The following ANKAR variants were observed in gnomAD, a reference collection of about 807,000 sequenced individuals.
ANKAR encodes ankyrin and armadillo repeat containing.
Under a neutral mutation model 146.2 loss-of-function variants are expected in ANKAR, and 136 were observed. The ratio of observed to expected loss-of-function variants is 0.93; its 90% CI spans 0.81 to 1.07. The LOEUF (loss-of-function observed/expected upper bound fraction) is 1.07, where lower values mean the gene tolerates loss of function less well. Ranked by LOEUF, ANKAR falls within the 50% of genes least tolerant of loss-of-function variation. ANKAR has a pLI of 0.00. For missense variants in ANKAR, 1,567 were observed against 1,679.9 expected (o/e 0.93, Z 1.18); for synonymous variants, 500 against 575.8 (o/e 0.87, Z 1.88).
intron 6 of ANKAR, among the ~76,000 whole-genome samples, 178 bp downstream of exon 6, chr2:189,695,339 G>C (rs1406121076): frequency 6.6e-6 from 1 of 152,212 alleles, no homozygotes; most frequent in Non-Finnish European, 1.5e-5. Flanking sequence ...ATTTCTGGCA[G>C]AGTACCTGTT....
At chr2:189,756,417 A>T (rs568380373) in intron 18 of ANKAR, among the ~76,000 whole-genome samples, 25 of 152,314 alleles carry the variant, frequency 1.6e-4, no homozygotes, top group African/African-American at 6.0e-4. Flanking sequence ...TTCAAAAAAA[A>T]ATCATCTTCC....
chr2:189,692,354 T>G lies in ANKAR; in HGVS notation c.1139T>G (p.Val380Gly). ...TACAAAGAGAATCAATATTTTCATG[T>G]TCATGGAGGAATTGAATTTGATATC... ...FHYKENQYFH[V>G]HGGIEFDIST... Residue 380 changes from valine to glycine, a missense_variant, in exon 4 of 23, where the codon GTT becomes GGT. By Grantham distance (109) the Val-to-Gly change is moderately radical. Transcript: ENST00000684021. The G allele has an allele frequency of 6.2e-7, 1 of 1,613,160 alleles. No homozygotes were observed. Among genetic ancestry groups the G allele is most frequent in the Non-Finnish European group, 8.5e-7 (1 of 1,179,724 alleles).
intron 12 of ANKAR, among the ~76,000 whole-genome samples, chr2:189,722,169 A>G (rs2105794792): frequency 6.6e-6 from 1 of 151,990 alleles, no homozygotes; most frequent in Non-Finnish European, 1.5e-5. Context: ...GTGAAACCCT[A>G]TCTCTACTAA....
At chr2:189,740,847 C>G (rs904186615) in intron 19 of ANKAR, among the ~76,000 whole-genome samples, 1 of 152,074 alleles carries the variant, frequency 6.6e-6, no homozygotes, top group African/African-American at 2.4e-5. Context: ...GCATGTACCA[C>G]CACGCCCGGC....
Position 189,728,058 on chromosome 2 carries a change from G to A in ANKAR, c.2838G>A (p.Leu946=), listed in dbSNP as rs770444393. 1.2e-6 allele frequency: 2 copies of A among 1,612,324 alleles called. No homozygotes were observed. The highest frequency in any genetic ancestry group is 1.7e-6 in the Non-Finnish European group (2 of 1,179,284). The change falls in exon 13 of 23, where the codon CTG becomes CTA. Residue 946 remains leucine (L), a synonymous_variant. Coordinates refer to ENST00000684021, the MANE Select transcript of ANKAR (RefSeq NM_001378068.1). ...SHNALIQKAF[L]EKSLTKYLLK... ...ACGCTCTTATACAGAAAGCATTTCT[G>A]GAAAAATCGTTAACTAAATATCTTT...
Position 189,761,182 on chromosome 2 carries a change from G to A in ANKAR, c.*669G>A, listed in dbSNP as rs868734649. On this transcript the variant is annotated 3_prime_UTR_variant and NMD_transcript_variant, in exon 19 of 19. Transcript: ENST00000441800. ...TTACTGAAGGAAAATCAATAAATAC[G>A]GAAGCTGGGAATGAGCTCAGTTTCT... 2.4e-5 allele frequency: 8 copies of A among 338,188 alleles called. No homozygotes were observed. In the East Asian group the frequency reaches 3.9e-4, roughly 17 times the overall value. The allele number at this position is 338,188 out of a possible 1,614,324, so 20.9% of individuals were successfully genotyped here. A position where few individuals can be genotyped will look rare whatever the true frequency, so the allele number is the denominator to read the frequency against.
At chr2:189,730,789 G>T (rs1182450279) in intron 16 of ANKAR, among the ~76,000 whole-genome samples, 188 bp downstream of exon 16, 3 of 151,946 alleles carry the variant, frequency 2.0e-5, no homozygotes, top group African/African-American at 7.3e-5. Flanking sequence ...GTTTTAAAAA[G>T]GTTGCTGCAA....
rs2036997246 is a variant in ANKAR at position 189,695,067 on chromosome 2, A to G, written c.1394A>G (p.Asn465Ser). The part of the protein sequence containing the change: ...QWWGAINEIV[N>S]NLRLKRLPLT... Reference sequence around the variant, plus strand: ...TGGGGAGCCATAAATGAAATAGTGAACAATCTGAGACTGAAAAGACTTCCA... The same window carrying G: ...TGGGGAGCCATAAATGAAATAGTGAGCAATCTGAGACTGAAAAGACTTCCA... The change falls in exon 6 of 23, where the codon AAC becomes AGC. Residue 465 changes from asparagine (N) to serine (S), a missense_variant. Asn to Ser is a conservative substitution (Grantham distance 46). Coordinates refer to ENST00000684021, the MANE Select transcript of ANKAR (RefSeq NM_001378068.1). 5.0e-6 allele frequency: 8 copies of G among 1,612,918 alleles called. No homozygotes were observed. The highest frequency in any genetic ancestry group is 1.7e-4 in the Middle Eastern group (1 of 6,052).
intron 8 of ANKAR, 102 bp downstream of exon 8, chr2:189,705,326 A>G (rs548380589): frequency 1.6e-5 from 19 of 1,213,288 alleles, no homozygotes; most frequent in East Asian, 5.1e-5. Context: ...TCTGCTTTTC[A>G]TGGCTTGCCA....
chr2:189,740,798 A>AT (rs2043262648), intron 19 of ANKAR, among the ~76,000 whole-genome samples: 1 of 151,984 alleles, frequency 6.6e-6, no homozygotes, highest in Non-Finnish European at 1.5e-5. Context: ...GGTACAAGCG[A>AT]TTCTCCTGCC....
chr2:189,686,194 T>C (rs2035564279), intron 2 of ANKAR, among the ~76,000 whole-genome samples: 2 of 152,088 alleles, frequency 1.3e-5, no homozygotes, highest in African/African-American at 4.8e-5. Flanking sequence ...AAGAGTATTC[T>C]GGCCTTTTTA....
intron 18 of ANKAR, among the ~76,000 whole-genome samples, chr2:189,758,824 A>G (rs1559173972): frequency 6.6e-6 from 1 of 152,254 alleles, no homozygotes; most frequent in African/African-American, 2.4e-5. Flanking sequence ...TGAAAGTATT[A>G]CAAAGAAAAT....
chr2:189,707,152 T>A lies in ANKAR; in HGVS notation c.2119+6T>A. ...AGTGTGGAAAACTTTGGTAGGTGAG[T>A]ATAATCTCTTTATAAATACATGTTC... On this transcript the variant is annotated splice_donor_region_variant and intron_variant, in intron 9 of 22. Transcript: ENST00000684021. 6.9e-7 allele frequency: 1 copy of A among 1,440,142 alleles called. No individual in the cohort carries two copies. The highest frequency in any genetic ancestry group is 1.4e-5 in the South Asian group (1 of 69,978). The allele number at this position is 1,440,142 out of a possible 1,614,324, so 89.2% of individuals were successfully genotyped here.
At chr2:189,746,812 C>CA, downstream of ANKAR, 1 of 610,556 alleles carries the variant, frequency 1.6e-6, no homozygotes, top group Non-Finnish European at 2.5e-6. Context: ...GTTATGGTTT[C>CA]AAAAAATTAG....
rs1011649076 is a variant in ANKAR at position 189,730,497 on chromosome 2, G to A, written c.3196G>A (p.Val1066Ile). ...IRAVGSICIG[V>I]AHTSNPVSQQ... ...CTCACTGGCGTGGACTCTTACAGGTGTAGCCCATACAAGCAATCCTGTCAG... is the reference window on the plus strand; with the variant it reads ...CTCACTGGCGTGGACTCTTACAGGTATAGCCCATACAAGCAATCCTGTCAG... Residue 1066 changes from valine (V) to isoleucine (I), a missense_variant and splice_region_variant, in exon 16 of 23, where the codon GTA becomes ATA. Val to Ile is a conservative substitution (Grantham distance 29). Transcript: ENST00000684021. 5 of 1,587,306 alleles carry A rather than the reference G, an allele frequency of 3.1e-6. No homozygotes were observed. The highest frequency in any genetic ancestry group is 3.4e-6 in the Non-Finnish European group (4 of 1,161,282).
At chr2:189,756,558 T>A (rs115614782) in intron 18 of ANKAR, among the ~76,000 whole-genome samples, 3,088 of 152,324 alleles carry the variant, frequency 0.02, 42 homozygotes, top group Non-Finnish European at 0.032. Flanking sequence ...AATGAAATGA[T>A]CTGATTTCAA....
chr2:189,677,661 TTTTC>T (rs780464293), intron 2 of ANKAR, among the ~76,000 whole-genome samples: 24 of 151,878 alleles, frequency 1.6e-4, no homozygotes, highest in East Asian at 3.9e-4. Context: ...GGTATATATA[TTTTC>T]TTTCTTTCTT....
At position 189,741,441 on chromosome 2, in the gene ANKAR, G is replaced by A; in HGVS notation, c.3800G>A (p.Gly1267Glu). 6.3e-7 allele frequency: 1 copy of A among 1,597,524 alleles called. No homozygotes were observed. ...CGGCTCTGCTATCATTTGTACTCGG[G>A]AATAGAAGAGGTAAAAACAAGCAAA... The part of the protein sequence containing the change: ...IQRLCYHLYS[G>E]IEEVRAACSS... The change falls in exon 20 of 23, where the codon GGA becomes GAA. Residue 1267 changes from glycine (G) to glutamate (E), a missense_variant. Transcript: ENST00000684021.
chr2:189,752,235 G>T (rs2196670), intron 18 of ANKAR, among the ~76,000 whole-genome samples: 2,629 of 152,230 alleles, frequency 0.017, 88 homozygotes, highest in African/African-American at 0.06. Flanking sequence ...CTATCTTTCG[G>T]CCAATTCTCA....
Sources: gnomAD v4.1 joint callset for allele counts (sites outside exome capture counted in the v4.1 genomes callset) on GRCh38, gnomAD v4.1.1 for gene constraint, MANE v1.5 for transcripts, NCBI Gene and HGNC (gene_info 2026-07-23, HGNC 2026-07-21) for gene names.